The following SGCZ variants were observed in gnomAD, a reference collection of about 807,000 sequenced individuals.
SGCZ encodes zeta-sarcoglycan.
SGCZ carries 40 observed loss-of-function variants against 41.3 expected under a neutral mutation model. The ratio of observed to expected loss-of-function variants is 0.97; its 90% CI spans 0.75 to 1.26. The LOEUF is 1.26. Ranked by LOEUF, SGCZ falls within the 50% of genes most tolerant of loss-of-function variation. The pLI is 0.00. For synonymous variants in SGCZ, 206 were observed against 137.5 expected, an observed-to-expected ratio of 1.50 and a Z score of -3.49; for missense variants, 552 against 369.8, an observed-to-expected ratio of 1.49 and a Z score of -4.04.
chr8:14,202,339 T>G (rs1000221778), intron 4 of SGCZ, among the ~76,000 whole-genome samples: 1 of 152,152 alleles, frequency 6.6e-6, no homozygotes, highest in Admixed American at 6.6e-5. Flanking sequence ...GCTGACATCT[T>G]GATTTTAGCC....
chr8:14,896,830 G>C (rs753467789), intron 1 of SGCZ, among the ~76,000 whole-genome samples: 11 of 151,184 alleles, frequency 7.3e-5, no homozygotes, highest in South Asian at 2.1e-4. Flanking sequence ...CCAGGCTCTG[G>C]AGTGCAGTGG....
At chr8:14,362,246 G>A (rs1356236666) in intron 2 of SGCZ, among the ~76,000 whole-genome samples, 1 of 152,176 alleles carries the variant, frequency 6.6e-6, no homozygotes, top group African/African-American at 2.4e-5. Flanking sequence ...ATTTAAGTCT[G>A]CAGAAGCCTT....
chr8:14,146,426 G>C (rs73522495), intron 5 of SGCZ, among the ~76,000 whole-genome samples: 3,214 of 152,218 alleles, frequency 0.021, 140 homozygotes, highest in African/African-American at 0.074. Context: ...CTCTGTCTTA[G>C]AAGAAATGCT....
intron 1 of SGCZ, among the ~76,000 whole-genome samples, chr8:15,200,072 A>G (rs1219288034): frequency 1.3e-5 from 2 of 152,164 alleles, no homozygotes; most frequent in African/African-American, 4.8e-5. Context: ...GTTTAGGAAA[A>G]TTCTTTAACC....
At chr8:14,667,458 G>A (rs1361807957) in intron 1 of SGCZ, among the ~76,000 whole-genome samples, 4 of 152,096 alleles carry the variant, frequency 2.6e-5, no homozygotes, top group Non-Finnish European at 5.9e-5. Flanking sequence ...TGTCATAAAA[G>A]CTTGTCGTAC....
chr8:14,725,188 T>C (rs773510623), intron 1 of SGCZ, among the ~76,000 whole-genome samples: 1 of 152,264 alleles, frequency 6.6e-6, no homozygotes, highest in Non-Finnish European at 1.5e-5. Flanking sequence ...TCATTTTTCA[T>C]GGCTGAATAA....
At chr8:15,018,677 T>C (rs1803135765) in intron 1 of SGCZ, among the ~76,000 whole-genome samples, 1 of 152,168 alleles carries the variant, frequency 6.6e-6, no homozygotes, top group African/African-American at 2.4e-5. Context: ...TGAAGATTTA[T>C]GGAAGTGACT....
At chr8:14,152,150 A>C (rs1803728901) in intron 5 of SGCZ, among the ~76,000 whole-genome samples, 1 of 150,876 alleles carries the variant, frequency 6.6e-6, no homozygotes, top group South Asian at 2.2e-4. Flanking sequence ...AAGCTATGAG[A>C]GTAGGATAAA....
At chr8:14,989,338 T>G (rs1801930199) in intron 1 of SGCZ, among the ~76,000 whole-genome samples, 1 of 152,194 alleles carries the variant, frequency 6.6e-6, no homozygotes, top group South Asian at 2.1e-4. Flanking sequence ...AATAATTCAT[T>G]AGCCGAGCGT....
At chr8:15,089,673 C>G (rs1284494388) in intron 1 of SGCZ, among the ~76,000 whole-genome samples, 1 of 152,088 alleles carries the variant, frequency 6.6e-6, no homozygotes, top group African/African-American at 2.4e-5. Context: ...TCTGTGTGTG[C>G]CACAGCTCAT....
intron 4 of SGCZ, among the ~76,000 whole-genome samples, chr8:14,225,917 T>C (rs563093312): frequency 1.3e-5 from 2 of 152,216 alleles, no homozygotes; most frequent in East Asian, 3.9e-4. Context: ...TTATGATACC[T>C]CTGAAAGAAA....
intron 2 of SGCZ, among the ~76,000 whole-genome samples, chr8:14,368,346 C>T (rs77049894): frequency 0.014 from 2,123 of 151,786 alleles, 46 homozygotes; most frequent in African/African-American, 0.047. Context: ...TTCATATTAG[C>T]GGTAAGAGAA....
At chr8:14,941,728 T>C (rs1386161100) in intron 1 of SGCZ, among the ~76,000 whole-genome samples, 2 of 151,872 alleles carry the variant, frequency 1.3e-5, no homozygotes, top group East Asian at 3.9e-4. Flanking sequence ...CATCTATTCA[T>C]ACGTTTATTA....
At chr8:15,090,040 A>G (rs1265743184) in intron 1 of SGCZ, among the ~76,000 whole-genome samples, 1 of 152,176 alleles carries the variant, frequency 6.6e-6, no homozygotes, top group Non-Finnish European at 1.5e-5. Flanking sequence ...AACTTTTGAT[A>G]TTACCTTGTA....
intron 1 of SGCZ, among the ~76,000 whole-genome samples, chr8:15,202,453 G>A (rs1008247238): frequency 9.2e-5 from 14 of 152,108 alleles, no homozygotes; most frequent in Admixed American, 1.3e-4. Flanking sequence ...AAGCTATGAG[G>A]ACACAAAGGC....
At chr8:14,955,155 T>C (rs1310998172) in intron 1 of SGCZ, among the ~76,000 whole-genome samples, 1 of 152,148 alleles carries the variant, frequency 6.6e-6, no homozygotes, top group Non-Finnish European at 1.5e-5. Context: ...TGCATCCATA[T>C]CCAGCGTAAT....
Position 14,357,070 on chromosome 8 carries a change from G to A in SGCZ, c.235-32866C>T, listed in dbSNP as rs570506809. On this transcript the variant is annotated intron_variant, in intron 2 of 7. Coordinates refer to ENST00000382080, the MANE Select transcript of SGCZ (RefSeq NM_139167.4). ...TAAAATATTTTATGCAAAAGTAAAT[G>A]AAATATTAAATTGTAAAAAAAAGTA... Among the ~76,000 whole-genome samples, 122 of 151,916 alleles carry A rather than the reference G, an allele frequency of 8.0e-4. 2 individuals are homozygous for A. In the South Asian group the frequency reaches 0.024, roughly 30 times the overall value.
intron 1 of SGCZ, among the ~76,000 whole-genome samples, chr8:14,745,828 A>G (rs956834440): frequency 6.6e-6 from 1 of 152,070 alleles, no homozygotes; most frequent in African/African-American, 2.4e-5. Flanking sequence ...GGAATTTAGT[A>G]TATTATTTTT....
intron 1 of SGCZ, among the ~76,000 whole-genome samples, chr8:14,603,952 A>C (rs1365044253): frequency 3.3e-5 from 5 of 152,268 alleles, no homozygotes; most frequent in Admixed American, 1.3e-4. Context: ...TTCCATAGCG[A>C]CATATCTCAC....
Sources: gnomAD v4.1 joint callset for allele counts (sites outside exome capture counted in the v4.1 genomes callset) on GRCh38, gnomAD v4.1.1 for gene constraint, MANE v1.5 for transcripts, NCBI Gene and HGNC (gene_info 2026-07-23, HGNC 2026-07-21) for gene names.